Variants in SPATA31H1 observed in about 807,000 individuals in gnomAD.
SPATA31H1 encodes the protein SPATA31 subfamily H member 1.
chr2:27,541,423 G>GGGGAGA, the SPATA31H1 span, among the ~76,000 whole-genome samples: 9 of 151,832 alleles, frequency 5.9e-5, no homozygotes, highest in South Asian at 2.1e-4. Context: ...AGAGGGGAGA[G>GGGGAGA]GGGAGAGGGA....
At chr2:27,577,968 G>T in the SPATA31H1 span, 1 of 1,614,138 alleles carries the variant, frequency 6.2e-7, no homozygotes, top group Non-Finnish European at 8.5e-7. The surrounding 1 kb of genome is among the most constrained non-coding windows in gnomAD (Gnocchi z 4.5). Flanking sequence ...GACAACCCCA[G>T]GACCACTGGG....
the SPATA31H1 span, chr2:27,580,993 C>A: frequency 1.9e-6 from 3 of 1,614,058 alleles, no homozygotes; most frequent in African/African-American, 4.0e-5. Context: ...GTGGGGCAGC[C>A]TCTGAGAACT....
At chr2:27,555,701 G>A in the SPATA31H1 span, among the ~76,000 whole-genome samples, 3 of 151,856 alleles carry the variant, frequency 2.0e-5, no homozygotes, top group Non-Finnish European at 4.4e-5. Context: ...AAATATCTAG[G>A]TAGGCACTTA....
chr2:27,550,641 A>C, the SPATA31H1 span, among the ~76,000 whole-genome samples: 1 of 148,892 alleles, frequency 6.7e-6, no homozygotes, highest in African/African-American at 2.5e-5. Context: ...CTGTGCTGAA[A>C]CTCCTTTCCT....
chr2:27,565,444 CT>C, the SPATA31H1 span: 18 of 715,960 alleles, frequency 2.5e-5, no homozygotes, highest in African/African-American at 7.0e-5. Flanking sequence ...GTGGGTCAGC[CT>C]TATGACTCTA....
chr2:27,558,769 T>C, the SPATA31H1 span, among the ~76,000 whole-genome samples: 9 of 94,188 alleles, frequency 9.6e-5, no homozygotes, highest in African/African-American at 2.5e-4. Context: ...GGCGTGGCGG[T>C]GCGCGCCTGC....
At chr2:27,556,282 C>T in the SPATA31H1 span, among the ~76,000 whole-genome samples, 2 of 133,204 alleles carry the variant, frequency 1.5e-5, no homozygotes, top group African/African-American at 2.7e-5. Flanking sequence ...TTTTGGAAAG[C>T]CCTTTTTTTT....
At chr2:27,571,920 G>T in the SPATA31H1 span, 1 of 398,446 alleles carries the variant, frequency 2.5e-6, no homozygotes, top group Non-Finnish European at 4.4e-6. Flanking sequence ...TCAAGGGATG[G>T]CACCTGTGGA....
chr2:27,560,188 T>C, the SPATA31H1 span, among the ~76,000 whole-genome samples: 1 of 152,134 alleles, frequency 6.6e-6, no homozygotes, highest in African/African-American at 2.4e-5. Flanking sequence ...AAATATAATA[T>C]GCATAGGTGT....
At chr2:27,566,548 A>C in the SPATA31H1 span, among the ~76,000 whole-genome samples, 1 of 151,930 alleles carries the variant, frequency 6.6e-6, no homozygotes, top group African/African-American at 2.4e-5. Context: ...TTCTGGGTGG[A>C]ATGGGAACAG....
chr2:27,556,173 T>C, the SPATA31H1 span, among the ~76,000 whole-genome samples: 27 of 151,216 alleles, frequency 1.8e-4, no homozygotes, highest in Non-Finnish European at 3.4e-4. Flanking sequence ...TGTGTTGGTA[T>C]TCAGCATTCT....
the SPATA31H1 span, chr2:27,579,713 A>G: frequency 6.2e-7 from 1 of 1,614,168 alleles, no homozygotes; most frequent in Non-Finnish European, 8.5e-7. Flanking sequence ...TTCCAATGGA[A>G]GAAAGTGAGG....
the SPATA31H1 span, chr2:27,581,697 A>T: frequency 6.2e-7 from 1 of 1,613,372 alleles, no homozygotes; most frequent in Non-Finnish European, 8.5e-7. Context: ...CTCTGAGAGA[A>T]GACATCACAG....
chr2:27,575,274 A>G, the SPATA31H1 span: 3 of 398,574 alleles, frequency 7.5e-6, 1 homozygote, highest in East Asian at 1.1e-4. The surrounding 1 kb of genome is among the most constrained non-coding windows in gnomAD (Gnocchi z 4.1). Context: ...CAATGCTGAA[A>G]AGCAGCAGCA....
At chr2:27,571,755 T>C in the SPATA31H1 span, 19 of 398,292 alleles carry the variant, frequency 4.8e-5, no homozygotes, top group Non-Finnish European at 7.5e-5. Context: ...AAGTTTAAAA[T>C]CTATAAAGGA....
At chr2:27,560,699 C>G in the SPATA31H1 span, among the ~76,000 whole-genome samples, 1 of 152,114 alleles carries the variant, frequency 6.6e-6, no homozygotes, top group Non-Finnish European at 1.5e-5. Context: ...CCTCGTGATC[C>G]GCCTGCCTCG....
the SPATA31H1 span, chr2:27,572,624 G>A: frequency 1.3e-5 from 5 of 398,096 alleles, no homozygotes; most frequent in East Asian, 1.8e-4. Flanking sequence ...TTCAAGGTGT[G>A]AAAACTGTGG....
the SPATA31H1 span, among the ~76,000 whole-genome samples, chr2:27,543,520 G>C: frequency 6.8e-6 from 1 of 147,936 alleles, no homozygotes; most frequent in Non-Finnish European, 1.5e-5. Context: ...ATATAATCTG[G>C]CTTAAGCCTC....
chr2:27,541,461 C>T, the SPATA31H1 span, among the ~76,000 whole-genome samples: 1 of 152,048 alleles, frequency 6.6e-6, no homozygotes, highest in East Asian at 1.9e-4. Context: ...TCATCATTTT[C>T]TATGAGGACT....
Sources: allele counts gnomAD v4.1 joint callset (sites outside exome capture counted in the v4.1 genomes callset), GRCh38; gene constraint gnomAD v4.1.1; non-coding constraint Gnocchi (gnomAD v3.1); transcripts MANE v1.5; gene names NCBI Gene and HGNC (gene_info 2026-07-23, HGNC 2026-07-21).